The following LYN variants were observed in gnomAD, a reference collection of about 807,000 sequenced individuals.
LYN encodes tyrosine-protein kinase Lyn.
Under a neutral mutation model 65.0 loss-of-function variants are expected in LYN, and 12 were observed. The observed-to-expected ratio is 0.18, with a 90% CI of 0.12 to 0.30. The LOEUF (loss-of-function observed/expected upper bound fraction) is 0.30, where lower values mean the gene tolerates loss of function less well. LYN is among the 10% of genes least tolerant of loss of function. The pLI is 1.00. For synonymous variants in LYN, 222 were observed against 221.2 expected, an observed-to-expected ratio of 1.00 and a Z score of -0.03; for missense variants, 380 against 623.2, an observed-to-expected ratio of 0.61 and a Z score of 4.16.
intron 1 of LYN, among the ~76,000 whole-genome samples, chr8:55,918,354 T>G (rs1805839690): frequency 6.6e-6 from 1 of 152,214 alleles, no homozygotes; most frequent in Non-Finnish European, 1.5e-5. Flanking sequence ...CCTGTGGAGA[T>G]GTAAAAACAC....
chr8:55,938,615 T>C (rs573604865), intron 1 of LYN, among the ~76,000 whole-genome samples: 1 of 152,376 alleles, frequency 6.6e-6, no homozygotes, highest in East Asian at 1.9e-4. Context: ...CTCATTGCCT[T>C]GGCTCTGGTT....
rs1208700740 is a variant in LYN, at chr8:55,998,508, C to T, written c.1204+9C>T. On this transcript the variant is annotated intron_variant, in intron 11 of 12. Coordinates refer to ENST00000519728, the MANE Select transcript of LYN (RefSeq NM_002350.4). ...GTACACAGCAAGGGAAGGTATGTTG[C>T]ACTAATGATCTTTAGATGTTTTATT... 2 of 1,596,946 alleles carry T rather than the reference C, an allele frequency of 1.3e-6. No homozygotes were observed. The highest frequency in any genetic ancestry group is 8.6e-7 in the Non-Finnish European group (1 of 1,165,648).
At chr8:55,977,355 G>A (rs1807786396) in intron 10 of LYN, among the ~76,000 whole-genome samples, 1 of 152,188 alleles carries the variant, frequency 6.6e-6, no homozygotes, top group South Asian at 2.1e-4. Flanking sequence ...TTTAGTCAAA[G>A]TAGGCCTTTA....
At chr8:55,953,046 G>A (rs1395956927) in intron 7 of LYN, among the ~76,000 whole-genome samples, 4 of 152,296 alleles carry the variant, frequency 2.6e-5, no homozygotes, top group East Asian at 1.9e-4. Flanking sequence ...AACACGGAGA[G>A]AGCAACGTGC....
intron 10 of LYN, among the ~76,000 whole-genome samples, chr8:55,972,393 G>A (rs755082235): frequency 6.6e-5 from 10 of 152,144 alleles, no homozygotes; most frequent in Non-Finnish European, 2.9e-5. Flanking sequence ...TCTTGTACCT[G>A]TGGCTTTTCT....
chr8:55,901,116 T>C (rs1805248427), intron 1 of LYN, among the ~76,000 whole-genome samples: 1 of 152,212 alleles, frequency 6.6e-6, no homozygotes, highest in African/African-American at 2.4e-5. Context: ...ACTTGGGCAC[T>C]TCGTGGCCGT....
intron 12 of LYN, among the ~76,000 whole-genome samples, chr8:56,006,611 G>T (rs2130598797): frequency 6.6e-6 from 1 of 152,346 alleles, no homozygotes. Context: ...TGAGGGCATT[G>T]TCCTGACTGG....
At chr8:55,950,841 A>G in intron 6 of LYN, 57 bp downstream of exon 6, 1 of 1,261,116 alleles carries the variant, frequency 7.9e-7, no homozygotes, top group Non-Finnish European at 1.2e-6. Context: ...ATTTTTAGAA[A>G]CTATTCTAGA....
intron 1 of LYN, among the ~76,000 whole-genome samples, chr8:55,933,081 C>T (rs72651489): frequency 0.11 from 17,146 of 152,204 alleles, 1,227 homozygotes; most frequent in Middle Eastern, 0.29. Flanking sequence ...ACCCATGTAA[C>T]AAACCTGCAC....
chr8:55,910,751 C>A (rs1230473412), intron 1 of LYN, among the ~76,000 whole-genome samples: 1 of 152,004 alleles, frequency 6.6e-6, no homozygotes, highest in Non-Finnish European at 1.5e-5. Context: ...AAGCTTAAGT[C>A]AAAAATTGTT....
In LYN at chr8:55,941,955, T is replaced by C. The variant is rs1343228629; in HGVS notation, c.96T>C (p.Tyr32=). The change falls in exon 2 of 13, where the codon TAT becomes TAC. Residue 32 remains tyrosine, a synonymous_variant. Coordinates refer to ENST00000519728, the MANE Select transcript of LYN (RefSeq NM_002350.4). ...QPVRNTERTI[Y]VRDPTSNKQQ... is the part of the protein sequence containing the mutation. ...TACGTAATACTGAAAGAACTATTTA[T>C]GTGAGAGATCCAACGTCCAATAAAC... The C allele has an allele frequency of 3.1e-6, 5 of 1,613,740 alleles. No individual in the cohort carries two copies. The East Asian group carries it at 6.7e-5, about 22-fold the overall frequency.
chr8:55,991,255 C>T (rs186629631), intron 10 of LYN, among the ~76,000 whole-genome samples: 2 of 152,310 alleles, frequency 1.3e-5, no homozygotes, highest in Admixed American at 6.5e-5. Context: ...TGTTTCACAC[C>T]AGCAGTGGGG....
chr8:55,899,383 A>G (rs557610959), intron 1 of LYN, among the ~76,000 whole-genome samples: 1 of 152,304 alleles, frequency 6.6e-6, no homozygotes, highest in African/African-American at 2.4e-5. Flanking sequence ...TTGAAAGGTT[A>G]TTTTTTAAAA....
rs1491229190 is a variant in LYN at position 55,908,990 on chromosome 8, T to TGTAC, written c.-6+28887_-6+28888insGTAC. ...GCTGAATGGTATTCCATTGTGTATGTATATATATATATATATATATACACA... is the reference window on the plus strand; with the variant it reads ...GCTGAATGGTATTCCATTGTGTATGTGTACATATATATATATATATATATACACA... On this transcript the variant is annotated intron_variant, in intron 1 of 12. Coordinates refer to ENST00000519728, the MANE Select transcript of LYN (RefSeq NM_002350.4). Among the ~76,000 whole-genome samples the TGTAC allele has an allele frequency of 8.9e-3, 117 of 13,144 alleles. 6 individuals are homozygous for TGTAC. The highest frequency in any genetic ancestry group is 0.067 in the African/African-American group (112 of 1,676). 8.6% of individuals were successfully genotyped at this position (13,144 alleles called of 152,430 possible).
chr8:55,921,098 G>A (rs1805935084), intron 1 of LYN, among the ~76,000 whole-genome samples: 2 of 152,190 alleles, frequency 1.3e-5, no homozygotes, highest in Non-Finnish European at 2.9e-5. Flanking sequence ...GTCTAGATAC[G>A]TCTGAAACGA....
At chr8:55,917,247 G>A (rs1371554175) in intron 1 of LYN, among the ~76,000 whole-genome samples, 1 of 151,712 alleles carries the variant, frequency 6.6e-6, no homozygotes, top group Non-Finnish European at 1.5e-5. Flanking sequence ...GTGCAGTGGT[G>A]TGATTGTAGG....
intron 2 of LYN, among the ~76,000 whole-genome samples, chr8:55,942,740 G>A (rs1170954660): frequency 6.8e-6 from 1 of 146,490 alleles, no homozygotes; most frequent in Non-Finnish European, 1.5e-5. Context: ...AGCCAAGATT[G>A]CACCACTGCC....
intron 1 of LYN, among the ~76,000 whole-genome samples, chr8:55,933,992 C>T (rs1806342831): frequency 6.6e-6 from 1 of 152,126 alleles, no homozygotes. Context: ...CTTTGGGAGG[C>T]CAAGGCGGGC....
intron 1 of LYN, among the ~76,000 whole-genome samples, chr8:55,906,505 C>T (rs906770039): frequency 6.6e-6 from 1 of 151,878 alleles, no homozygotes; most frequent in Non-Finnish European, 1.5e-5. Context: ...TACATGTGCC[C>T]ACCACCACGC....
Sources: allele counts gnomAD v4.1 joint callset (sites outside exome capture counted in the v4.1 genomes callset), GRCh38; gene constraint gnomAD v4.1.1; transcripts MANE v1.5; gene names NCBI Gene and HGNC (gene_info 2026-07-23, HGNC 2026-07-21).